Variants in THNSL1 observed in about 807,000 individuals in gnomAD.
The protein encoded by THNSL1 is threonine synthase-like 1.
THNSL1 carries 48 observed loss-of-function variants against 50.4 expected under a neutral mutation model. The observed-to-expected ratio is 0.95, with a 90% CI of 0.76 to 1.21. The LOEUF (loss-of-function observed/expected upper bound fraction) is 1.21. Among genes scored for constraint, THNSL1 ranks in the 50% most tolerant of loss-of-function variants. The probability of loss-of-function intolerance (pLI) is 0.00; values close to 1 mark genes in which losing one functional copy is unlikely to be tolerated. For synonymous variants in THNSL1, 309 were observed against 306.1 expected, an observed-to-expected ratio of 1.01 and a Z score of -0.10; for missense variants, 896 against 871.7, an observed-to-expected ratio of 1.03 and a Z score of -0.35.
the THNSL1 span, among the ~76,000 whole-genome samples, chr10:24,995,133 A>G: frequency 6.6e-6 from 1 of 152,116 alleles, no homozygotes; most frequent in South Asian, 2.1e-4. Context: ...TCAAGTCTTT[A>G]CCCAAAACCA....
At chr10:25,005,514 C>G in the THNSL1 span, among the ~76,000 whole-genome samples, 3 of 152,012 alleles carry the variant, frequency 2.0e-5, no homozygotes, top group Non-Finnish European at 4.4e-5. Context: ...AACAACTTTT[C>G]TTTTTCAATT....
chr10:25,009,837 C>T, the THNSL1 span, among the ~76,000 whole-genome samples: 5 of 152,164 alleles, frequency 3.3e-5, no homozygotes, highest in African/African-American at 7.2e-5. Flanking sequence ...TAAGATGTGA[C>T]TTTGTTCCTC....
At chr10:24,989,826 A>G in the THNSL1 span, among the ~76,000 whole-genome samples, 3 of 152,208 alleles carry the variant, frequency 2.0e-5, no homozygotes, top group Non-Finnish European at 4.4e-5. Context: ...ATGACTATAA[A>G]AAGTACAAAG....
the THNSL1 span, among the ~76,000 whole-genome samples, chr10:24,975,304 A>G: frequency 1.3e-5 from 2 of 152,232 alleles, no homozygotes; most frequent in African/African-American, 4.8e-5. Flanking sequence ...TAGAAAGGAA[A>G]GTAGACAGCT....
At chr10:24,952,591 C>T in the THNSL1 span, 1 of 1,489,858 alleles carries the variant, frequency 6.7e-7, no homozygotes. This position sits in a 1 kb window ranked among gnomAD's most constrained non-coding sequence, Gnocchi z 5.1. Context: ...TCCCGGGGAA[C>T]GCGGGAAGGG....
At chr10:24,999,675 A>G in the THNSL1 span, 6 of 847,666 alleles carry the variant, frequency 7.1e-6, no homozygotes, top group Non-Finnish European at 1.1e-5. Flanking sequence ...CATAATCATA[A>G]AACATACTTA....
the THNSL1 span, among the ~76,000 whole-genome samples, chr10:24,976,884 G>A: frequency 1.3e-5 from 2 of 152,062 alleles, no homozygotes; most frequent in Non-Finnish European, 2.9e-5. Flanking sequence ...AAAAAGCCAG[G>A]GAATTTGTTT....
chr10:24,984,209 C>T, the THNSL1 span: 1 of 705,070 alleles, frequency 1.4e-6, no homozygotes. Flanking sequence ...ATATTTCTCA[C>T]TGGGAATAAC....
At chr10:25,007,146 A>G in the THNSL1 span, among the ~76,000 whole-genome samples, 1 of 152,172 alleles carries the variant, frequency 6.6e-6, no homozygotes, top group Admixed American at 6.5e-5. Context: ...CAGTGATTAT[A>G]ACAGACTGAC....
upstream of THNSL1, among the ~76,000 whole-genome samples, chr10:25,015,532 TTTTTC>T (rs1482003576): frequency 6.6e-6 from 1 of 152,152 alleles, no homozygotes; most frequent in African/African-American, 2.4e-5. Context: ...AATTGTGATT[TTTTTC>T]TTTTCAACAT....
the THNSL1 span, among the ~76,000 whole-genome samples, chr10:24,996,458 A>G: frequency 0.016 from 1,658 of 103,040 alleles, 25 homozygotes; most frequent in African/African-American, 0.062. Context: ...GTGTGTGTGT[A>G]TATATATATA....
At chr10:25,010,792 G>C in the THNSL1 span, among the ~76,000 whole-genome samples, 1 of 146,436 alleles carries the variant, frequency 6.8e-6, no homozygotes. Flanking sequence ...TTTTATGGCT[G>C]CATAGTATTC....
At chr10:24,994,241 A>C in the THNSL1 span, among the ~76,000 whole-genome samples, 2 of 144,818 alleles carry the variant, frequency 1.4e-5, no homozygotes, top group Non-Finnish European at 3.0e-5. Context: ...CTTTTTCTTT[A>C]TCTCTCTCTT....
the THNSL1 span, among the ~76,000 whole-genome samples, chr10:24,970,000 C>T: frequency 2.6e-5 from 4 of 152,222 alleles, no homozygotes; most frequent in African/African-American, 4.8e-5. Context: ...TGTTGCTCCC[C>T]CATGAGAGCT....
the THNSL1 span, chr10:24,999,403 G>T: frequency 6.2e-7 from 1 of 1,603,340 alleles, no homozygotes; most frequent in Non-Finnish European, 8.5e-7. Flanking sequence ...AAACCTACTG[G>T]GTGGTAGAGT....
upstream of THNSL1, chr10:25,015,765 T>C: frequency 8.7e-7 from 1 of 1,153,624 alleles, no homozygotes; most frequent in East Asian, 3.0e-5. Flanking sequence ...AAATACATTT[T>C]ATTTATTATT....
chr10:25,025,446 A>C lies in THNSL1; in HGVS notation c.2223A>C (p.Gln741His). ...KSHVEQLVQN[Q>H]FI ...ATGTGGAACAACTTGTCCAAAATCA[A>C]TTCATATGAAAGCTTTCAGAGTAAA... is the stretch of plus-strand genomic sequence containing the variant. The change falls in exon 3 of 3, where the codon CAA becomes CAC. Residue 741 changes from glutamine (Q) to histidine (H), a missense_variant. Physicochemically the swap from Gln to His is conservative, Grantham distance 24. Coordinates refer to ENST00000376356, the MANE Select transcript of THNSL1 (RefSeq NM_024838.5). The C allele has an allele frequency of 6.3e-7, 1 of 1,599,608 alleles. No homozygotes were observed. The highest frequency in any genetic ancestry group is 8.5e-7 in the Non-Finnish European group (1 of 1,174,740).
At chr10:24,996,523 T>A in the THNSL1 span, among the ~76,000 whole-genome samples, 1 of 152,200 alleles carries the variant, frequency 6.6e-6, no homozygotes, top group African/African-American at 2.4e-5. Context: ...TGGCCGTTTT[T>A]ACACAGCCTC....
the THNSL1 span, among the ~76,000 whole-genome samples, chr10:24,997,693 T>C: frequency 6.6e-6 from 1 of 152,052 alleles, no homozygotes; most frequent in African/African-American, 2.4e-5. Context: ...CCAGCCCTAA[T>C]ACCCTGAATT....
Sources: allele counts gnomAD v4.1 joint callset (sites outside exome capture counted in the v4.1 genomes callset), GRCh38; gene constraint gnomAD v4.1.1; non-coding constraint Gnocchi (gnomAD v3.1); transcripts MANE v1.5; gene names NCBI Gene and HGNC (gene_info 2026-07-23, HGNC 2026-07-21).